Variants in CCDC88C observed in about 807,000 individuals in gnomAD.
CCDC88C encodes coiled-coil and HOOK domain protein 88C.
A neutral mutation model predicts 198.8 loss-of-function variants in CCDC88C; 131 were observed. The observed-to-expected ratio is 0.66, with a 90% CI of 0.57 to 0.76. The LOEUF is 0.76. Among genes scored for constraint, CCDC88C ranks in the 30% least tolerant of loss-of-function variants. The pLI is 0.00. For synonymous variants in CCDC88C, 1,166 were observed against 1,114.7 expected, an observed-to-expected ratio of 1.05 and a Z score of -0.92; for missense variants, 2,553 against 2,631.6, an observed-to-expected ratio of 0.97 and a Z score of 0.65.
At chr14:91,293,542 ACC>A (rs879845784) in intron 23 of CCDC88C, among the ~76,000 whole-genome samples, 799 of 17,862 alleles carry the variant, frequency 0.045, 196 homozygotes, top group Admixed American at 0.07. Context: ...GCCACGGCCC[ACC>A]TTCCTGTCCC....
rs139889396 is a variant in CCDC88C, at chr14:91,390,515, C to T, written c.270+18144G>A. 3.7e-3 allele frequency among the ~76,000 whole-genome samples: 558 copies of T among 152,330 alleles called. 3 individuals are homozygous for T. Among genetic ancestry groups the T allele is most frequent in the African/African-American group, 0.013 (523 of 41,564 alleles). ...ATCACAGAGAACACTGGGGCAGTGA[C>T]GCACAGGCTGCCACAGGGCCCTCAC... On this transcript the variant is annotated intron_variant, in intron 3 of 29. Coordinates refer to ENST00000389857, the MANE Select transcript of CCDC88C (RefSeq NM_001080414.4).
chr14:91,397,946 T>G (rs1465688923), intron 3 of CCDC88C, among the ~76,000 whole-genome samples: 2 of 152,248 alleles, frequency 1.3e-5, no homozygotes, highest in Non-Finnish European at 1.5e-5. Context: ...GAAGAAAACT[T>G]GCAGCTTTCC....
chr14:91,272,938 T>C lies in CCDC88C; in HGVS notation c.5774A>G (p.Gln1925Arg). Reference protein sequence around the residue: ...AAAAGSGSNSQLLHFSPAAAP... With the variant: ...AAAAGSGSNSRLLHFSPAAAP... ...TGCAGCAGGTGAGAAGTGCAGGAGC[T>C]GGGAGTTGCTGCCACTGCCAGCAGC... Residue 1925 changes from glutamine to arginine, a missense_variant, in exon 30 of 30, where the codon CAG becomes CGG. Gln to Arg is a conservative substitution (Grantham distance 43, BLOSUM62 1). Around this residue, in one of 2 missense-constraint regions of CCDC88C, gnomAD observed 1,293 missense variants for 1,219.6 expected, o/e 1.06. Coordinates refer to ENST00000389857, the MANE Select transcript of CCDC88C (RefSeq NM_001080414.4). 1 of 1,564,202 alleles carries C rather than the reference T, an allele frequency of 6.4e-7. No homozygotes were observed.
intron 4 of CCDC88C, among the ~76,000 whole-genome samples, chr14:91,349,924 G>A (rs550204683): frequency 1.3e-5 from 2 of 152,202 alleles, no homozygotes; most frequent in South Asian, 2.1e-4. Context: ...AAAATTCCCC[G>A]ACTTGCTAAC....
chr14:91,314,241 C>T (rs955200059), intron 14 of CCDC88C, 91 bp from the exon 15 acceptor site: 11 of 1,049,276 alleles, frequency 1.0e-5, no homozygotes, highest in Non-Finnish European at 2.8e-6. Context: ...GAGAGAAGGC[C>T]TTGAACGGCT....
At position 91,289,207 on chromosome 14, in the gene CCDC88C, C is replaced by T. The variant is rs770915428; in HGVS notation, c.4339G>A (p.Ala1447Thr). The change falls in exon 25 of 30, where the codon GCC (alanine) becomes ACC (threonine). Residue 1447 changes from alanine (A) to threonine (T), a missense_variant. Ala to Thr is a moderately conservative substitution (Grantham distance 58). Coordinates refer to ENST00000389857, the MANE Select transcript of CCDC88C (RefSeq NM_001080414.4). ...GCCTGTGATCTGAGCGGCTGAGAGG[C>T]CGCCGGCGAGGCGGGGTCTGAGGAC... ...LESSDPASPA[A>T]SQPLRSQAEN... 1 of 1,613,986 alleles carries T rather than the reference C, an allele frequency of 6.2e-7. No homozygotes were observed. Among genetic ancestry groups the T allele is most frequent in the South Asian group, 1.1e-5 (1 of 91,084 alleles).
chr14:91,308,674 G>A (rs1230651918), intron 16 of CCDC88C, among the ~76,000 whole-genome samples, 182 bp from the exon 17 acceptor site: 6 of 152,106 alleles, frequency 3.9e-5, no homozygotes. Context: ...GGGGTTCCCT[G>A]GGTAGAAACA....
At chr14:91,342,257 AT>A (rs1360225743) in intron 6 of CCDC88C, 122 bp downstream of exon 6, 6 of 611,108 alleles carry the variant, frequency 9.8e-6, no homozygotes, top group Non-Finnish European at 1.8e-5. Context: ...GAAACCTAAG[AT>A]TAGCAAAATC....
intron 13 of CCDC88C, among the ~76,000 whole-genome samples, chr14:91,317,575 G>C (rs1313348574): frequency 6.6e-6 from 1 of 152,258 alleles, no homozygotes; most frequent in African/African-American, 2.4e-5. Context: ...GACATGGACA[G>C]AGAGTGAAGG....
intron 10 of CCDC88C, among the ~76,000 whole-genome samples, chr14:91,336,726 G>C (rs1254363684): frequency 6.6e-6 from 1 of 152,216 alleles, no homozygotes; most frequent in African/African-American, 2.4e-5. Context: ...AGGAGCCTTA[G>C]CATGCAAAGA....
At position 91,300,027 on chromosome 14, in the gene CCDC88C, C is replaced by A; in HGVS notation, c.3679G>T (p.Glu1227Ter). ...TCTCGCTCAGTGGTCAAGACCTTCT[C>A]CCGCTCCTCCAGCTCCGCCTTGCGC... ...LKRKAELEER[E>*]KVLTTEREAL... is the part of the protein sequence containing the mutation. Residue 1227 changes from glutamate (E) to a stop codon, truncating the protein, a stop_gained, in exon 21 of 30, where the codon GAG becomes TAG. Transcript: ENST00000389857. LOFTEE classifies it high-confidence loss of function. The A allele has an allele frequency of 6.2e-7, 1 of 1,605,924 alleles. No individual in the cohort carries two copies. The highest frequency in any genetic ancestry group is 8.5e-7 in the Non-Finnish European group (1 of 1,176,568).
intron 3 of CCDC88C, among the ~76,000 whole-genome samples, chr14:91,401,724 T>C (rs1886216580): frequency 6.6e-6 from 1 of 152,216 alleles, no homozygotes; most frequent in East Asian, 1.9e-4. Context: ...CCCTCCTCTT[T>C]AACCTTTGAA....
rs916562710 is a variant in CCDC88C at position 91,401,289 on chromosome 14, C to T, written c.270+7370G>A. On this transcript the variant is annotated intron_variant, in intron 3 of 29. Transcript: ENST00000389857. ...CATTATATATATTATATATTATATACATTATATATTATAATGTATATATTT... is the reference window on the plus strand; with the variant it reads ...CATTATATATATTATATATTATATATATTATATATTATAATGTATATATTT... 5.5e-5 allele frequency among the ~76,000 whole-genome samples: 6 copies of T among 108,954 alleles called. No homozygotes were observed. The East Asian group carries it at 1.4e-3, about 25-fold the overall frequency. 71.5% of individuals were successfully genotyped at this position (108,954 alleles called of 152,430 possible). A position where few individuals can be genotyped will look rare whatever the true frequency, so the allele number is the denominator to read the frequency against.
At chr14:91,298,277 AG>A (rs1316954673) in intron 21 of CCDC88C, among the ~76,000 whole-genome samples, 6 of 152,100 alleles carry the variant, frequency 3.9e-5, no homozygotes, top group Non-Finnish European at 8.8e-5. Flanking sequence ...TGCAAAAAGT[AG>A]AAAAAAGTTG....
chr14:91,369,755 A>T (rs189177212), intron 3 of CCDC88C, among the ~76,000 whole-genome samples: 1 of 152,296 alleles, frequency 6.6e-6, no homozygotes, highest in African/African-American at 2.4e-5. Context: ...CGAGGCTGTC[A>T]TGTAAAGCTG....
intron 21 of CCDC88C, 78 bp downstream of exon 21, chr14:91,299,849 C>T: frequency 1.4e-6 from 2 of 1,447,934 alleles, no homozygotes; most frequent in Non-Finnish European, 9.1e-7. Flanking sequence ...ACTTGAACTT[C>T]TCAGTGGTTG....
intron 22 of CCDC88C, among the ~76,000 whole-genome samples, chr14:91,294,611 C>T (rs1890918491): frequency 6.6e-6 from 1 of 152,220 alleles, no homozygotes; most frequent in African/African-American, 2.4e-5. Flanking sequence ...ATTTTGAAGG[C>T]TTAGTACAAA....
chr14:91,321,190 G>C lies in CCDC88C; in HGVS notation c.1457C>G (p.Ser486Cys). 3 of 1,612,740 alleles carry C rather than the reference G, an allele frequency of 1.9e-6. No homozygotes were observed. Among genetic ancestry groups the C allele is most frequent in the Non-Finnish European group, 8.5e-7 (1 of 1,179,452 alleles). The change falls in exon 13 of 30, where the codon TCC (serine) becomes TGC (cysteine). Residue 486 changes from serine (S) to cysteine (C), a missense_variant. Ser to Cys is a moderately radical substitution (Grantham distance 112, BLOSUM62 -1). Coordinates refer to ENST00000389857, the MANE Select transcript of CCDC88C (RefSeq NM_001080414.4). ...QSTIQGLRDA[S>C]LVLEESGLKC... is the part of the protein sequence containing the mutation. ...GAGGCCGCTCTCCTCCAACACCAGG[G>C]ACGCGTCCCGCAGCCCCTGGATGGT... is the stretch of plus-strand genomic sequence containing the variant.
At chr14:91,311,989 G>T (rs1251571872) in intron 15 of CCDC88C, among the ~76,000 whole-genome samples, 1 of 151,666 alleles carries the variant, frequency 6.6e-6, no homozygotes, top group African/African-American at 2.4e-5. Flanking sequence ...TTCAGGAAAG[G>T]ATTCTAGGAA....
Sources: gnomAD v4.1 joint callset for allele counts (sites outside exome capture counted in the v4.1 genomes callset) on GRCh38, gnomAD v4.1.1 for gene constraint, gnomAD v4.1.1 regional missense constraint, MANE v1.5 for transcripts, NCBI Gene and HGNC (gene_info 2026-07-23, HGNC 2026-07-21) for gene names.